The following ASH2L variants were observed in gnomAD, a reference collection of about 807,000 sequenced individuals.
ASH2L encodes set1/Ash2 histone methyltransferase complex subunit ASH2.
In ASH2L, 30 loss-of-function variants were observed where a neutral mutation model predicts 81.1. That is an observed-to-expected ratio of 0.37 (90% confidence interval 0.28 to 0.50). The LOEUF (loss-of-function observed/expected upper bound fraction) is 0.50, where lower values mean the gene tolerates loss of function less well. ASH2L is among the 20% of genes least tolerant of loss of function. The pLI, the probability that ASH2L is intolerant of heterozygous loss-of-function variation, is 0.95. For synonymous variants in ASH2L, 273 were observed against 279.9 expected, an observed-to-expected ratio of 0.98 and a Z score of 0.24; for missense variants, 559 against 792.1, an observed-to-expected ratio of 0.71 and a Z score of 3.53.
At position 38,139,221 on chromosome 8, in the gene ASH2L, ACTGCCTGC is replaced by A; in HGVS notation, c.*153_*160del. On this transcript the variant is annotated 3_prime_UTR_variant, in exon 16 of 16. Transcript: ENST00000343823. ...AAAAGGCTGGGTAGGACTGCGGGAG[ACTGCCTGC>A]CTTTCACCATTTTCTCCCCACTTCC... 3.3e-6 allele frequency: 2 copies of A among 609,996 alleles called. No homozygotes were observed. Among genetic ancestry groups the A allele is most frequent in the Non-Finnish European group, 5.6e-6 (2 of 357,860 alleles). The allele number at this position is 609,996 out of a possible 1,614,324, so 37.8% of individuals were successfully genotyped here. A position where few individuals can be genotyped will look rare whatever the true frequency, so the allele number is the denominator to read the frequency against.
chr8:38,116,390 A>T (rs1810901044), intron 7 of ASH2L, among the ~76,000 whole-genome samples: 1 of 151,974 alleles, frequency 6.6e-6, no homozygotes, highest in East Asian at 1.9e-4. Context: ...ATAATTAGCC[A>T]GGCGTGTTGG....
intron 6 of ASH2L, among the ~76,000 whole-genome samples, chr8:38,114,587 T>TA (rs1284447764): frequency 4.0e-5 from 6 of 151,240 alleles, no homozygotes; most frequent in Non-Finnish European, 7.4e-5. Context: ...TTTCTTCTAT[T>TA]AAAAAAAAAG....
In ASH2L at chr8:38,106,509, T is replaced by C. The variant is rs868481118; in HGVS notation, c.255+65T>C. The C allele has an allele frequency of 4.5e-3, 4,819 of 1,060,638 alleles. 5 individuals carry two copies. Among genetic ancestry groups the C allele is most frequent in the African/African-American group, 0.011 (643 of 58,674 alleles). The allele number at this position is 1,060,638 out of a possible 1,614,324, so 65.7% of individuals were successfully genotyped here. On this transcript the variant is annotated intron_variant, in intron 2 of 15. Transcript: ENST00000343823. Reference sequence around the variant, plus strand: ...GTTTTAGTTATTTCTTCTTCTTCTTTTTTTTTTTTTTTTGTTGCGACGGAG... The same window carrying C: ...GTTTTAGTTATTTCTTCTTCTTCTTCTTTTTTTTTTTTTGTTGCGACGGAG...
Position 38,139,228 on chromosome 8 carries a change from GC to G in ASH2L, c.*159del. ...TGGGTAGGACTGCGGGAGACTGCCT[GC>G]CTTTCACCATTTTCTCCCCACTTCC... On this transcript the variant is annotated 3_prime_UTR_variant, in exon 16 of 16. Transcript: ENST00000343823. 1 of 588,066 alleles carries G rather than the reference GC, an allele frequency of 1.7e-6. No individual in the cohort carries two copies. The highest frequency in any genetic ancestry group is 2.9e-6 in the Non-Finnish European group (1 of 340,288). The allele number at this position is 588,066 out of a possible 1,614,324, so 36.4% of individuals were successfully genotyped here.
At position 38,138,948 on chromosome 8, in the gene ASH2L, C is replaced by G. The variant is rs1163330591; in HGVS notation, c.1780-16C>G. ...CTGCTGTAGTCACCGTGTTCTGTTT[C>G]TCATTCCTCCTGCAGATGAGTGACA... On this transcript the variant is annotated splice_polypyrimidine_tract_variant and intron_variant, in intron 15 of 15. Coordinates refer to ENST00000343823, the MANE Select transcript of ASH2L (RefSeq NM_004674.5). 1.9e-6 allele frequency: 3 copies of G among 1,613,548 alleles called. No individual in the cohort carries two copies. Among genetic ancestry groups the G allele is most frequent in the Non-Finnish European group, 2.5e-6 (3 of 1,179,534 alleles).
At chr8:38,128,609 T>G (rs1801947265) in intron 11 of ASH2L, 149 bp from the exon 12 acceptor site, 1 of 1,457,758 alleles carries the variant, frequency 6.9e-7, no homozygotes, top group Admixed American at 2.6e-5. Flanking sequence ...TCCCGGGATA[T>G]TTTTGTAATT....
Position 38,119,348 on chromosome 8 carries a change from C to A in ASH2L, c.932C>A (p.Thr311Asn). The A allele has an allele frequency of 6.5e-7, 1 of 1,544,480 alleles. No homozygotes were observed. The highest frequency in any genetic ancestry group is 8.7e-7 in the Non-Finnish European group (1 of 1,144,834). ...CAGGATGGAGGGACCACAGGGACCACCAAGAAGGCCCGGAGGTGGGGAGAG... is the reference window on the plus strand; with the variant it reads ...CAGGATGGAGGGACCACAGGGACCAACAAGAAGGCCCGGAGGTGGGGAGAG... ...KQQDGGTTGT[T>N]KKARSDPLFS... Residue 311 changes from threonine (T) to asparagine (N), a missense_variant, in exon 9 of 16, where the codon ACC becomes AAC. Physicochemically the swap from Thr to Asn is moderately conservative, Grantham distance 65. Around this residue, in one of 4 missense-constraint regions of ASH2L, gnomAD observed 318 missense variants for 527.0 expected, o/e 0.60. Transcript: ENST00000343823.
intron 10 of ASH2L, among the ~76,000 whole-genome samples, chr8:38,127,575 G>A (rs572007701): frequency 1.2e-4 from 18 of 149,224 alleles, no homozygotes; most frequent in South Asian, 4.3e-4. Context: ...GGTGAAACCC[G>A]TCTGTACTAA....
At chr8:38,116,834 A>G in intron 8 of ASH2L, 109 bp downstream of exon 8, 2 of 899,236 alleles carry the variant, frequency 2.2e-6, no homozygotes, top group Admixed American at 2.9e-5. Context: ...ACTTACTAAA[A>G]TGCTTTTATA....
rs1801728381 is a variant in ASH2L, at chr8:38,123,842, GT to G, written c.1165+2696del. Among the ~76,000 whole-genome samples the G allele has an allele frequency of 2.6e-5, 4 of 151,934 alleles. No individual in the cohort carries two copies. In the South Asian group the frequency reaches 8.3e-4, roughly 32 times the overall value. On this transcript the variant is annotated intron_variant, in intron 10 of 15. Transcript: ENST00000343823. ...ATATATTCTTTTATCTCCCTTTTTT[GT>G]TTGTCTGTTTCTGTGTTTTTTTGGT...
chr8:38,105,563 G>A lies in ASH2L; in HGVS notation c.13G>A (p.Gly5Arg), dbSNP rs193080501. 10 of 1,573,100 alleles carry A rather than the reference G, an allele frequency of 6.4e-6. No homozygotes were observed. The highest frequency in any genetic ancestry group is 8.6e-6 in the Non-Finnish European group (10 of 1,158,200). The change falls in exon 1 of 16, where the codon GGA becomes AGA. Residue 5 changes from glycine to arginine, a missense_variant. Around this residue, in one of 4 missense-constraint regions of ASH2L, gnomAD observed 145 missense variants for 115.5 expected, o/e 1.26. Coordinates refer to ENST00000343823, the MANE Select transcript of ASH2L (RefSeq NM_004674.5). Reference protein sequence around the residue: MAAAGAGPGQEAGAG... With the variant: MAAARAGPGQEAGAG... ...AGGGGTGGCCGTGATGGCGGCGGCA[G>A]GAGCAGGACCTGGCCAGGAAGCGGG...
chr8:38,121,817 G>A (rs778775639), intron 10 of ASH2L, among the ~76,000 whole-genome samples: 26 of 152,148 alleles, frequency 1.7e-4, no homozygotes, highest in Non-Finnish European at 3.1e-4. Flanking sequence ...ATGTCAGTAG[G>A]TCTTATTGGT....
intron 14 of ASH2L, among the ~76,000 whole-genome samples, chr8:38,136,102 ATTT>A (rs772313591): frequency 0.011 from 1,095 of 97,638 alleles, 4 homozygotes; most frequent in African/African-American, 0.043. Flanking sequence ...GCTTACAATG[ATTT>A]TTTTTTTTTT....
In ASH2L at chr8:38,106,088, G is replaced by A. The variant is rs1344787406; in HGVS notation, c.189-290G>A. 2.0e-6 allele frequency: 3 copies of A among 1,524,642 alleles called. No homozygotes were observed. The Admixed American group carries it at 5.9e-5, about 30-fold the overall frequency. The allele number at this position is 1,524,642 out of a possible 1,614,324, so 94.4% of individuals were successfully genotyped here. A position where few individuals can be genotyped will look rare whatever the true frequency, so the allele number is the denominator to read the frequency against. ...GAAGTAACGGTCACTCTGAAAACAG[G>A]GTGGGAGAGCTGCCTCTCTTTGAAC... On this transcript the variant is annotated intron_variant, in intron 1 of 15. Coordinates refer to ENST00000343823, the MANE Select transcript of ASH2L (RefSeq NM_004674.5).
At chr8:38,121,306 C>A (rs948308067) in intron 10 of ASH2L, among the ~76,000 whole-genome samples, 157 bp downstream of exon 10, 1 of 135,418 alleles carries the variant, frequency 7.4e-6, no homozygotes, top group African/African-American at 2.8e-5. Context: ...AAATTCTGTT[C>A]CTTCCTATAA....
At chr8:38,118,546 C>G (rs937949783) in intron 8 of ASH2L, among the ~76,000 whole-genome samples, 1 of 152,208 alleles carries the variant, frequency 6.6e-6, no homozygotes, top group African/African-American at 2.4e-5. Context: ...GTTAATCTAA[C>G]CTGAATTTTA....
chr8:38,109,780 GCC>G (rs1242351134), intron 3 of ASH2L, among the ~76,000 whole-genome samples: 1 of 152,042 alleles, frequency 6.6e-6, no homozygotes, highest in Non-Finnish European at 1.5e-5. Context: ...CATTCTGCCT[GCC>G]CTTTCCAACC....
At chr8:38,133,957 C>CTT (rs1230390237) in intron 13 of ASH2L, among the ~76,000 whole-genome samples, 2 of 152,144 alleles carry the variant, frequency 1.3e-5, no homozygotes, top group East Asian at 3.9e-4. Context: ...ACATGGGAGA[C>CTT]TTCATTTTGT....
At chr8:38,137,318 G>A (rs1250195025) in intron 14 of ASH2L, among the ~76,000 whole-genome samples, 5 of 151,146 alleles carry the variant, frequency 3.3e-5, no homozygotes, top group African/African-American at 9.7e-5. Flanking sequence ...AGGCCGAGGC[G>A]GGCCGATCAT....
Sources: gnomAD v4.1 joint callset for allele counts (sites outside exome capture counted in the v4.1 genomes callset) on GRCh38, gnomAD v4.1.1 for gene constraint, gnomAD v4.1.1 regional missense constraint, MANE v1.5 for transcripts, NCBI Gene and HGNC (gene_info 2026-07-23, HGNC 2026-07-21) for gene names.